The following ITK variants were observed in gnomAD, a reference collection of about 807,000 sequenced individuals.
ITK encodes the protein tyrosine-protein kinase ITK/TSK.
Under a neutral mutation model 87.6 loss-of-function variants are expected in ITK, and 45 were observed. The observed-to-expected ratio is 0.51, with a 90% CI of 0.40 to 0.66. The LOEUF is 0.66. Ranked by LOEUF, ITK falls within the 30% of genes least tolerant of loss-of-function variation. The pLI, the probability that ITK is intolerant of heterozygous loss-of-function variation, is 0.00. For synonymous variants in ITK, 303 were observed against 273.6 expected (o/e 1.11, Z -1.06); for missense variants, 605 against 766.3 (o/e 0.79, Z 2.48).
In ITK at chr5:157,243,644, C is replaced by T. The variant is rs1031236089; in HGVS notation, c.1082C>T (p.Ser361Leu). Residue 361 changes from serine to leucine, a missense_variant, in exon 12 of 17, where the codon TCA becomes TTA. By Grantham distance (145) the Ser-to-Leu change is moderately radical. Coordinates refer to ENST00000422843, the MANE Select transcript of ITK (RefSeq NM_005546.4). ...LRYGKWVIDP[S>L]ELTFVQEIGS... ...CCAGGGAAATGGGTGATCGACCCCTCAGAGCTCACTTTTGTGCAAGAGATT... is the reference window on the plus strand; with the variant it reads ...CCAGGGAAATGGGTGATCGACCCCTTAGAGCTCACTTTTGTGCAAGAGATT... 6.2e-6 allele frequency: 10 copies of T among 1,612,870 alleles called. No individual in the cohort carries two copies. The highest frequency in any genetic ancestry group is 4.0e-5 in the African/African-American group (3 of 74,814).
At chr5:157,201,116 AT>A (rs1239784152) in intron 1 of ITK, among the ~76,000 whole-genome samples, 1 of 152,144 alleles carries the variant, frequency 6.6e-6, no homozygotes, top group Non-Finnish European at 1.5e-5. Context: ...GAACATTTCA[AT>A]AAACAAAGAA....
At chr5:157,183,347 T>G (rs1057139972) in intron 1 of ITK, among the ~76,000 whole-genome samples, 4 of 152,202 alleles carry the variant, frequency 2.6e-5, no homozygotes, top group Non-Finnish European at 5.9e-5. Context: ...TTTCAATCTG[T>G]AAAATGGGTG....
chr5:157,207,216 A>G (rs1754096783), intron 1 of ITK, among the ~76,000 whole-genome samples: 1 of 151,848 alleles, frequency 6.6e-6, no homozygotes, highest in African/African-American at 2.4e-5. Flanking sequence ...TGCCTTCAGT[A>G]TTTGTTCTCT....
intron 1 of ITK, among the ~76,000 whole-genome samples, chr5:157,197,270 C>T (rs921415400): frequency 6.6e-6 from 1 of 152,184 alleles, no homozygotes; most frequent in Non-Finnish European, 1.5e-5. Context: ...GGCAGGTGCT[C>T]TCTAGCTGCT....
At chr5:157,182,720 A>AT (rs1481182074) in intron 1 of ITK, among the ~76,000 whole-genome samples, 2 of 152,102 alleles carry the variant, frequency 1.3e-5, no homozygotes, top group Non-Finnish European at 2.9e-5. Context: ...ACCTTTAAAT[A>AT]TTTTTTTCAA....
At chr5:157,219,381 G>A (rs1754368355) in intron 5 of ITK, among the ~76,000 whole-genome samples, 1 of 152,088 alleles carries the variant, frequency 6.6e-6, no homozygotes. Context: ...CCAAAGTGCT[G>A]GAATTACAGG....
chr5:157,250,027 G>C (rs553645189), intron 16 of ITK, among the ~76,000 whole-genome samples: 52 of 152,090 alleles, frequency 3.4e-4, no homozygotes, highest in African/African-American at 5.5e-4. Context: ...CTAACATTTG[G>C]CATGAGTGTG....
At position 157,235,531 on chromosome 5, in the gene ITK, T is replaced by C. The variant is rs1488592405; in HGVS notation, c.769-2578T>C. Among the ~76,000 whole-genome samples the C allele has an allele frequency of 3.3e-5, 5 of 152,332 alleles. No individual in the cohort carries two copies. The East Asian group carries it at 5.8e-4, about 18-fold the overall frequency. On this transcript the variant is annotated intron_variant, in intron 8 of 16. Coordinates refer to ENST00000422843, the MANE Select transcript of ITK (RefSeq NM_005546.4). Reference sequence around the variant, plus strand: ...TTCTGTCTTTACCCATCTAGGTAGATGGTAAATTCCTTGCAAGTGGGTAAC... The same window carrying C: ...TTCTGTCTTTACCCATCTAGGTAGACGGTAAATTCCTTGCAAGTGGGTAAC...
At position 157,253,011 on chromosome 5, in the gene ITK, A is replaced by G; in HGVS notation, c.*333A>G. 1 of 425,568 alleles carries G rather than the reference A, an allele frequency of 2.3e-6. No homozygotes were observed. The highest frequency in any genetic ancestry group is 4.4e-6 in the Non-Finnish European group (1 of 226,784). The allele number at this position is 425,568 out of a possible 1,614,324, so 26.4% of individuals were successfully genotyped here. Reference sequence around the variant, plus strand: ...GCACTTCTTAGCAACAGAGAGAGACATGAGTAAGACCCAGATTGCTATTTT... The same window carrying G: ...GCACTTCTTAGCAACAGAGAGAGACGTGAGTAAGACCCAGATTGCTATTTT... On this transcript the variant is annotated 3_prime_UTR_variant, in exon 17 of 17. Transcript: ENST00000422843.
chr5:157,238,657 C>T (rs979358424), intron 9 of ITK, among the ~76,000 whole-genome samples: 1 of 152,186 alleles, frequency 6.6e-6, no homozygotes, highest in East Asian at 1.9e-4. Flanking sequence ...TATTACTATG[C>T]TCATTTCACA....
At chr5:157,198,381 T>G (rs1753893125) in intron 1 of ITK, among the ~76,000 whole-genome samples, 1 of 152,208 alleles carries the variant, frequency 6.6e-6, no homozygotes, top group African/African-American at 2.4e-5. Flanking sequence ...GTTACTATTT[T>G]CAAATGGCAG....
rs944629783 is a variant in ITK at position 157,254,156 on chromosome 5, G to C, written c.*1478G>C. The stretch of plus-strand genomic sequence containing the variant: ...GGATTGCAGAGGGAATAAATACAAA[G>C]ATGGAAAGCCAGTAAAGAAGTCAGT... On this transcript the variant is annotated 3_prime_UTR_variant, in exon 17 of 17. Coordinates refer to ENST00000422843, the MANE Select transcript of ITK (RefSeq NM_005546.4). 1.7e-5 allele frequency: 4 copies of C among 229,076 alleles called. No individual in the cohort carries two copies. The highest frequency in any genetic ancestry group is 1.1e-4 in the Admixed American group (2 of 17,638). 14.2% of individuals were successfully genotyped at this position (229,076 alleles called of 1,614,324 possible).
chr5:157,201,736 CAA>C (rs34192469), intron 1 of ITK, among the ~76,000 whole-genome samples: 26,372 of 114,304 alleles, frequency 0.23, 2,186 homozygotes, highest in East Asian at 0.31. Flanking sequence ...TAATTTTCCA[CAA>C]AAAAAAAAAA....
At chr5:157,204,401 A>T (rs1754039458) in intron 1 of ITK, among the ~76,000 whole-genome samples, 1 of 151,912 alleles carries the variant, frequency 6.6e-6, no homozygotes. Flanking sequence ...TCTCTACTAA[A>T]ATACAAAAAA....
chr5:157,207,196 C>G (rs1373532278), intron 1 of ITK, among the ~76,000 whole-genome samples: 1 of 151,930 alleles, frequency 6.6e-6, no homozygotes, highest in Non-Finnish European at 1.5e-5. Context: ...CTCTCAGAGA[C>G]AGACTAATTT....
intron 1 of ITK, among the ~76,000 whole-genome samples, chr5:157,189,454 C>T (rs1405562368): frequency 6.6e-6 from 1 of 152,216 alleles, no homozygotes; most frequent in East Asian, 1.9e-4. Flanking sequence ...CCAAGGCGGG[C>T]GGATTACCTG....
intron 15 of ITK, among the ~76,000 whole-genome samples, chr5:157,246,891 G>C (rs182782708): frequency 2.9e-4 from 44 of 152,306 alleles, no homozygotes; most frequent in African/African-American, 1.0e-3. Context: ...TCTAAAAAGT[G>C]CAAATGGCCA....
intron 1 of ITK, among the ~76,000 whole-genome samples, chr5:157,189,815 T>C (rs955537143): frequency 3.3e-5 from 5 of 152,238 alleles, no homozygotes; most frequent in Non-Finnish European, 7.3e-5. Context: ...CAAATGTTCA[T>C]GGACCAAATA....
chr5:157,211,406 T>G, intron 3 of ITK, 38 bp downstream of exon 3: 2 of 1,496,576 alleles, frequency 1.3e-6, no homozygotes, highest in Non-Finnish European at 1.9e-6. Flanking sequence ...ACTGACACTC[T>G]TGATCCTATA....
Sources: gnomAD v4.1 joint callset for allele counts (sites outside exome capture counted in the v4.1 genomes callset) on GRCh38, gnomAD v4.1.1 for gene constraint, MANE v1.5 for transcripts, NCBI Gene and HGNC (gene_info 2026-07-23, HGNC 2026-07-21) for gene names.